The following SLC22A23 variants were observed in gnomAD, a reference collection of about 807,000 sequenced individuals.
SLC22A23 encodes the protein solute carrier family 22 member 23.
In SLC22A23, 26 loss-of-function variants were observed where a neutral mutation model predicts 61.0. The ratio of observed to expected loss-of-function variants is 0.43; its 90% CI spans 0.31 to 0.59. The LOEUF is 0.59. SLC22A23 is among the 20% of genes least tolerant of loss of function. The pLI is 0.11. For missense variants in SLC22A23, 796 were observed against 934.7 expected (o/e 0.85, Z 1.94); for synonymous variants, 430 against 413.9 (o/e 1.04, Z -0.47).
At chr6:3,300,723 C>T (rs1310904311) in intron 4 of SLC22A23, among the ~76,000 whole-genome samples, 2 of 152,304 alleles carry the variant, frequency 1.3e-5, no homozygotes, top group Non-Finnish European at 2.9e-5. Context: ...TAATTACTGC[C>T]TCCTTCATAC....
At chr6:3,283,454 T>C (rs1308841172) in intron 9 of SLC22A23, 2 of 276,116 alleles carry the variant, frequency 7.2e-6, no homozygotes, top group Non-Finnish European at 1.5e-5. Context: ...GGGGGTAGGC[T>C]CTTTCTACTT....
intron 3 of SLC22A23, among the ~76,000 whole-genome samples, chr6:3,351,630 C>A (rs753547744): frequency 7.9e-5 from 12 of 152,110 alleles, no homozygotes; most frequent in Admixed American, 7.8e-4. Flanking sequence ...TCTCTCCCCT[C>A]GACCTTTCCT....
chr6:3,437,067 G>C (rs1771260694), intron 1 of SLC22A23, among the ~76,000 whole-genome samples: 1 of 152,184 alleles, frequency 6.6e-6, no homozygotes, highest in Non-Finnish European at 1.5e-5. Flanking sequence ...TGTTAAAAAT[G>C]AGATTCATCA....
At chr6:3,339,751 G>T (rs559186886) in intron 3 of SLC22A23, among the ~76,000 whole-genome samples, 3 of 152,272 alleles carry the variant, frequency 2.0e-5, no homozygotes, top group Non-Finnish European at 4.4e-5. Flanking sequence ...TAAAGGGGAG[G>T]CATGAATAAT....
At position 3,318,053 on chromosome 6, in the gene SLC22A23, C is replaced by G. The variant is rs527415616; in HGVS notation, c.1082+5781G>C. On this transcript the variant is annotated intron_variant, in intron 4 of 9. Transcript: ENST00000406686. This position sits in a 1 kb window ranked among gnomAD's most constrained non-coding sequence, Gnocchi z 4.3. The stretch of plus-strand genomic sequence containing the variant: ...AGAGACTCCTGTGCTCACTGCACCC[C>G]CTGCCAAGTCCCTGTCCAGTCTCTG... Among the ~76,000 whole-genome samples, 6 of 152,206 alleles carry G rather than the reference C, an allele frequency of 3.9e-5. No homozygotes were observed. Among genetic ancestry groups the G allele is most frequent in the Admixed American group, 2.0e-4 (3 of 15,280 alleles).
intron 1 of SLC22A23, among the ~76,000 whole-genome samples, chr6:3,445,271 T>C (rs1771837123): frequency 6.6e-6 from 1 of 151,938 alleles, no homozygotes; most frequent in Non-Finnish European, 1.5e-5. Flanking sequence ...CCATCTTGGC[T>C]CACTGCAACT....
chr6:3,312,498 C>T (rs1581672188), intron 4 of SLC22A23: 1 of 152,162 alleles, frequency 6.6e-6, no homozygotes, highest in African/African-American at 2.4e-5. Flanking sequence ...TTATCCACAC[C>T]TCTATGATAG....
intron 3 of SLC22A23, among the ~76,000 whole-genome samples, chr6:3,365,957 A>G (rs746426374): frequency 6.6e-6 from 1 of 152,126 alleles, no homozygotes; most frequent in Non-Finnish European, 1.5e-5. Flanking sequence ...TGCCACAGTG[A>G]TGATGCTGCA....
chr6:3,282,541 C>T (rs1759565675), intron 9 of SLC22A23, among the ~76,000 whole-genome samples: 3 of 152,216 alleles, frequency 2.0e-5, no homozygotes, highest in Admixed American at 1.3e-4. Flanking sequence ...CCAAAGCCTT[C>T]CCCAGCTTAG....
chr6:3,310,850 G>A (rs1441748095), intron 4 of SLC22A23, among the ~76,000 whole-genome samples: 1 of 152,184 alleles, frequency 6.6e-6, no homozygotes, highest in African/African-American at 2.4e-5. Flanking sequence ...TTAACGTACT[G>A]TACTAGCACA....
At position 3,414,721 on chromosome 6, in the gene SLC22A23, CAAAAAAAA is replaced by C. The variant is rs60880355; in HGVS notation, c.758+1023_758+1030del. On this transcript the variant is annotated intron_variant, in intron 2 of 9. Transcript: ENST00000406686. This position sits in a 1 kb window ranked among gnomAD's most constrained non-coding sequence, Gnocchi z 5.1. ...TCAAGGCCAAGATGTCTCGATTCAC[CAAAAAAAA>C]AAAAAAAAAAAAAAATCCTTTAAAG... Among the ~76,000 whole-genome samples, 1 of 89,538 alleles carries C rather than the reference CAAAAAAAA, an allele frequency of 1.1e-5. No homozygotes were observed. The highest frequency in any genetic ancestry group is 3.3e-4 in the East Asian group (1 of 3,008). 58.7% of individuals were successfully genotyped at this position (89,538 alleles called of 152,430 possible). A position where few individuals can be genotyped will look rare whatever the true frequency, so the allele number is the denominator to read the frequency against.
intron 3 of SLC22A23, among the ~76,000 whole-genome samples, chr6:3,365,212 C>A (rs1581757879): frequency 6.6e-6 from 1 of 152,150 alleles, no homozygotes; most frequent in African/African-American, 2.4e-5. Flanking sequence ...GTCCCAGCTA[C>A]CAGGGAGGCT....
intron 9 of SLC22A23, among the ~76,000 whole-genome samples, chr6:3,280,688 G>A (rs12178157): frequency 0.82 from 123,600 of 151,332 alleles, 51,904 homozygotes; most frequent in Non-Finnish European, 0.92. Context: ...TAGTAGAGAC[G>A]GGGTTTCATC....
At chr6:3,351,600 C>T (rs1156765890) in intron 3 of SLC22A23, among the ~76,000 whole-genome samples, 1 of 152,128 alleles carries the variant, frequency 6.6e-6, no homozygotes, top group African/African-American at 2.4e-5. Context: ...CCGCCCACCC[C>T]TCCCACTGCT....
intron 3 of SLC22A23, among the ~76,000 whole-genome samples, chr6:3,379,728 A>G (rs2127473122): frequency 6.6e-6 from 1 of 152,222 alleles, no homozygotes; most frequent in Non-Finnish European, 1.5e-5. Context: ...CCTTTGCAGC[A>G]TGTGCTTACG....
chr6:3,402,211 C>A (rs1484397070), intron 3 of SLC22A23, among the ~76,000 whole-genome samples: 2 of 152,208 alleles, frequency 1.3e-5, no homozygotes, highest in African/African-American at 2.4e-5. Context: ...CCACAGCAGC[C>A]TCCCAGCTCC....
chr6:3,380,773 A>G (rs1766904952), intron 3 of SLC22A23, among the ~76,000 whole-genome samples: 1 of 152,166 alleles, frequency 6.6e-6, no homozygotes, highest in Non-Finnish European at 1.5e-5. Flanking sequence ...CCAACAGCTT[A>G]TTTCTTATTC....
chr6:3,345,869 T>C (rs1407322192), intron 3 of SLC22A23, among the ~76,000 whole-genome samples: 2 of 152,236 alleles, frequency 1.3e-5, no homozygotes, highest in South Asian at 2.1e-4. Flanking sequence ...ATTTTGTTTT[T>C]GTTTCAGTTT....
chr6:3,337,257 G>A (rs1014863552), intron 3 of SLC22A23, among the ~76,000 whole-genome samples: 5 of 152,130 alleles, frequency 3.3e-5, no homozygotes, highest in Non-Finnish European at 5.9e-5. Context: ...GGAGCAAATC[G>A]CCAGCCCACC....
Sources: gnomAD v4.1 joint callset for allele counts (sites outside exome capture counted in the v4.1 genomes callset) on GRCh38, gnomAD v4.1.1 for gene constraint, Gnocchi (gnomAD v3.1) non-coding constraint, MANE v1.5 for transcripts, NCBI Gene and HGNC (gene_info 2026-07-23, HGNC 2026-07-21) for gene names.